The following HPSE2 variants were observed in gnomAD, a reference collection of about 807,000 sequenced individuals.
The protein encoded by HPSE2 is inactive heparanase-2.
A neutral mutation model predicts 60.5 loss-of-function variants in HPSE2; 38 were observed. The observed-to-expected ratio is 0.63, with a 90% CI of 0.48 to 0.82. HPSE2 has a LOEUF of 0.82. HPSE2 is among the 40% of genes least tolerant of loss of function. HPSE2 has a pLI of 0.00. For synonymous variants in HPSE2, 295 were observed against 293.2 expected (o/e 1.01, Z -0.06); for missense variants, 713 against 740.4 (o/e 0.96, Z 0.43).
intron 9 of HPSE2, among the ~76,000 whole-genome samples, chr10:98,613,885 G>A (rs1945826740): frequency 6.6e-6 from 1 of 152,210 alleles, no homozygotes; most frequent in African/African-American, 2.4e-5. Flanking sequence ...TGTGATAAAG[G>A]ATAACCCGTG....
rs1363691568 is a variant in HPSE2 at position 98,937,923 on chromosome 10, C to T, written c.611-193867G>A. ...AGGAACGATCAGACAGCAGCATTCG[C>T]GGTTCATAAAAATCCACTGTTCTGC... is the stretch of plus-strand genomic sequence containing the variant. On this transcript the variant is annotated intron_variant, in intron 3 of 11. Coordinates refer to ENST00000370552, the MANE Select transcript of HPSE2 (RefSeq NM_021828.5). Among the ~76,000 whole-genome samples, 9 of 143,514 alleles carry T rather than the reference C, an allele frequency of 6.3e-5. 2 individuals carry two copies. Among genetic ancestry groups the T allele is most frequent in the African/African-American group, 1.7e-4 (6 of 35,116 alleles). The allele number at this position is 143,514 out of a possible 152,430, so 94.2% of individuals were successfully genotyped here.
intron 3 of HPSE2, among the ~76,000 whole-genome samples, chr10:98,841,708 G>C (rs1433486782): frequency 6.6e-6 from 1 of 152,102 alleles, no homozygotes; most frequent in Admixed American, 6.6e-5. Flanking sequence ...TACTGTATAT[G>C]CTAACATGAG....
At chr10:98,804,562 A>T (rs1565175589) in intron 3 of HPSE2, among the ~76,000 whole-genome samples, 2 of 152,190 alleles carry the variant, frequency 1.3e-5, no homozygotes, top group Non-Finnish European at 2.9e-5. Context: ...AGAGAAATGC[A>T]AATGAAAACT....
At chr10:98,807,857 G>A (rs10883208) in intron 3 of HPSE2, among the ~76,000 whole-genome samples, 5,772 of 152,198 alleles carry the variant, frequency 0.038, 235 homozygotes, top group East Asian at 0.17. Flanking sequence ...AGTCACTGCA[G>A]CCATTTATTA....
intron 9 of HPSE2, among the ~76,000 whole-genome samples, chr10:98,568,708 C>T (rs945337406): frequency 1.1e-4 from 17 of 152,114 alleles, no homozygotes; most frequent in African/African-American, 4.1e-4. Context: ...AGGTTCTTTC[C>T]CCTCAACCCC....
In HPSE2 at chr10:98,995,104, C is replaced by G. The variant is rs891970034; in HGVS notation, c.610+149134G>C. On this transcript the variant is annotated intron_variant, in intron 3 of 11. Coordinates refer to ENST00000370552, the MANE Select transcript of HPSE2 (RefSeq NM_021828.5). ...CTGAGGAAGGTGCTTCGAACCCTCT[C>G]CTTACTTGCTTCTGGTGCTTCCCAT... Among the ~76,000 whole-genome samples the G allele has an allele frequency of 2.6e-5, 4 of 152,202 alleles. No homozygotes were observed. In the South Asian group the frequency reaches 8.3e-4, roughly 31 times the overall value.
intron 3 of HPSE2, among the ~76,000 whole-genome samples, chr10:98,754,436 T>G (rs568294724): frequency 1.6e-4 from 25 of 152,132 alleles, no homozygotes; most frequent in African/African-American, 5.8e-4. Flanking sequence ...AAAACATATT[T>G]GAGGATTTTT....
intron 3 of HPSE2, among the ~76,000 whole-genome samples, chr10:99,079,228 G>A (rs1843048721): frequency 2.0e-5 from 3 of 152,082 alleles, no homozygotes; most frequent in Admixed American, 1.3e-4. Context: ...CCACAGAGAA[G>A]TTGGGGCATT....
At chr10:99,273,959 G>C in the HPSE2 span, among the ~76,000 whole-genome samples, 2 of 152,334 alleles carry the variant, frequency 1.3e-5, no homozygotes, top group East Asian at 1.9e-4. Flanking sequence ...AGCCTTTACA[G>C]AAGAGAAAGG....
chr10:98,751,129 C>A (rs561571311), intron 3 of HPSE2, among the ~76,000 whole-genome samples: 1 of 152,006 alleles, frequency 6.6e-6, no homozygotes, highest in East Asian at 1.9e-4. Flanking sequence ...GTTTTTGTTA[C>A]GTATTTCCCT....
At chr10:99,267,542 T>C in the HPSE2 span, among the ~76,000 whole-genome samples, 1 of 152,046 alleles carries the variant, frequency 6.6e-6, no homozygotes, top group East Asian at 1.9e-4. Context: ...CCAACACTTT[T>C]GGAGGCTGAG....
At chr10:99,255,136 T>A in the HPSE2 span, among the ~76,000 whole-genome samples, 7 of 152,252 alleles carry the variant, frequency 4.6e-5, no homozygotes, top group East Asian at 1.4e-3. Flanking sequence ...GTTGAACACA[T>A]TGAAAACTAA....
intron 9 of HPSE2, among the ~76,000 whole-genome samples, chr10:98,499,415 G>C (rs1372808912): frequency 6.6e-6 from 1 of 152,118 alleles, no homozygotes; most frequent in Non-Finnish European, 1.5e-5. Context: ...CATCATATAT[G>C]ATGGAAAAAT....
intron 3 of HPSE2, among the ~76,000 whole-genome samples, chr10:98,766,997 T>G (rs534243210): frequency 6.6e-6 from 1 of 152,222 alleles, no homozygotes; most frequent in Non-Finnish European, 1.5e-5. Context: ...ACAGACTACA[T>G]AAGAAACAGC....
intron 3 of HPSE2, among the ~76,000 whole-genome samples, chr10:98,944,877 T>A (rs1955133501): frequency 6.6e-6 from 1 of 152,146 alleles, no homozygotes; most frequent in Non-Finnish European, 1.5e-5. Flanking sequence ...AAAGAAAGGG[T>A]ACTTGAAAGC....
intron 2 of HPSE2, among the ~76,000 whole-genome samples, chr10:99,174,295 G>A (rs1847438008): frequency 6.6e-6 from 1 of 152,146 alleles, no homozygotes; most frequent in Non-Finnish European, 1.5e-5. Flanking sequence ...AATATTCATT[G>A]TCCTTTATGA....
intron 3 of HPSE2, among the ~76,000 whole-genome samples, chr10:98,889,445 C>A (rs930753506): frequency 6.6e-6 from 1 of 151,626 alleles, no homozygotes; most frequent in Admixed American, 6.6e-5. Context: ...TGGGCTCAAG[C>A]TGTCTGCCTG....
At chr10:99,123,655 G>A (rs1021828369) in intron 3 of HPSE2, among the ~76,000 whole-genome samples, 2 of 152,194 alleles carry the variant, frequency 1.3e-5, no homozygotes, top group African/African-American at 4.8e-5. Context: ...CTAGGGGTGA[G>A]CAAGGCAAAG....
intron 7 of HPSE2, among the ~76,000 whole-genome samples, chr10:98,631,830 A>G (rs1946373011): frequency 6.6e-6 from 1 of 152,222 alleles, no homozygotes; most frequent in Non-Finnish European, 1.5e-5. Flanking sequence ...GTCTTCCACT[A>G]TCACTTGCCT....
Sources: gnomAD v4.1 joint callset for allele counts (sites outside exome capture counted in the v4.1 genomes callset) on GRCh38, gnomAD v4.1.1 for gene constraint, MANE v1.5 for transcripts, NCBI Gene and HGNC (gene_info 2026-07-23, HGNC 2026-07-21) for gene names.